Variants in DNAAF9 observed in about 807,000 individuals in gnomAD.
DNAAF9 encodes dynein axonemal assembly factor 9.
In DNAAF9, 90 loss-of-function variants were observed where a neutral mutation model predicts 167.0. The observed-to-expected ratio is 0.54, with a 90% CI of 0.45 to 0.64. DNAAF9 has a LOEUF of 0.64. Among genes scored for constraint, DNAAF9 ranks in the 30% least tolerant of loss-of-function variants. The pLI, the probability that DNAAF9 is intolerant of heterozygous loss-of-function variation, is 0.00. For missense variants in DNAAF9, 1,315 were observed against 1,442.2 expected (o/e 0.91, Z 1.43); for synonymous variants, 491 against 508.8 (o/e 0.96, Z 0.47).
At chr20:3,362,373 A>G (rs761467208) in intron 6 of DNAAF9, 1 of 532,796 alleles carries the variant, frequency 1.9e-6, no homozygotes, top group Non-Finnish European at 3.2e-6. Flanking sequence ...ATTGTTTACA[A>G]TGTTAAAACC....
intron 8 of DNAAF9, among the ~76,000 whole-genome samples, chr20:3,345,759 C>T (rs1426421838): frequency 6.6e-6 from 1 of 151,972 alleles, no homozygotes; most frequent in African/African-American, 2.4e-5. Context: ...CCATTATAAA[C>T]AAACCAACTG....
intron 26 of DNAAF9, among the ~76,000 whole-genome samples, chr20:3,288,634 G>A (rs755240859): frequency 6.6e-6 from 1 of 152,172 alleles, no homozygotes; most frequent in Non-Finnish European, 1.5e-5. Context: ...GACTCTCTAT[G>A]CAATTTCAGG....
At chr20:3,263,861 G>T (rs2068437765) in intron 31 of DNAAF9, among the ~76,000 whole-genome samples, 1 of 152,226 alleles carries the variant, frequency 6.6e-6, no homozygotes, top group African/African-American at 2.4e-5. Flanking sequence ...GCTAGGAGCT[G>T]CCATATAGAG....
At chr20:3,309,454 T>G (rs1050231800) in intron 20 of DNAAF9, among the ~76,000 whole-genome samples, 1 of 152,218 alleles carries the variant, frequency 6.6e-6, no homozygotes. Context: ...AAATATGTTA[T>G]CTATCTAAAA....
At chr20:3,289,518 G>GT (rs1044563531) in intron 26 of DNAAF9, among the ~76,000 whole-genome samples, 9 of 151,906 alleles carry the variant, frequency 5.9e-5, no homozygotes, top group African/African-American at 1.9e-4. Context: ...TTTATTTTCT[G>GT]TTTTTTTGTT....
chr20:3,287,320 T>A (rs981687963), intron 27 of DNAAF9, among the ~76,000 whole-genome samples: 1 of 152,100 alleles, frequency 6.6e-6, no homozygotes, highest in African/African-American at 2.4e-5. Flanking sequence ...CTTATTTAGA[T>A]GATGAATGAA....
At chr20:3,372,990 C>T (rs2083530636) in intron 6 of DNAAF9, among the ~76,000 whole-genome samples, 1 of 152,132 alleles carries the variant, frequency 6.6e-6, no homozygotes, top group South Asian at 2.1e-4. Context: ...CCTTCAAGCC[C>T]CTACTCTTCT....
intron 1 of DNAAF9, among the ~76,000 whole-genome samples, chr20:3,384,676 AT>A (rs1411258436): frequency 6.6e-6 from 1 of 151,618 alleles, no homozygotes; most frequent in Non-Finnish European, 1.5e-5. Context: ...ACCTGGGAAA[AT>A]TTTTTTTAAT....
rs1334280708 is a variant in DNAAF9 at position 3,278,957 on chromosome 20, G to A, written c.2613-8C>T. On this transcript the variant is annotated splice_region_variant and splice_polypyrimidine_tract_variant and intron_variant, in intron 28 of 36. Transcript: ENST00000252032. ...CATTTAGGAAAGAGAAATCTAGGGG[G>A]AAAAAAGGGGGAAATATTTAAAAAC... The A allele has an allele frequency of 3.8e-6, 6 of 1,578,454 alleles. No individual in the cohort carries two copies. The highest frequency in any genetic ancestry group is 3.4e-4 in the Middle Eastern group (2 of 5,956).
intron 29 of DNAAF9, 45 bp downstream of exon 29, chr20:3,278,867 T>C: frequency 1.5e-6 from 2 of 1,351,240 alleles, no homozygotes; most frequent in Middle Eastern, 1.8e-4. Context: ...TGAATTCTAC[T>C]GAACTTGCAA....
chr20:3,399,009 A>G (rs2083947393), intron 1 of DNAAF9, among the ~76,000 whole-genome samples: 1 of 152,228 alleles, frequency 6.6e-6, no homozygotes, highest in South Asian at 2.1e-4. Flanking sequence ...TGAAGGGACA[A>G]ACACACACAT....
intron 9 of DNAAF9, among the ~76,000 whole-genome samples, chr20:3,341,538 A>G (rs1170950396): frequency 6.6e-6 from 1 of 152,132 alleles, no homozygotes; most frequent in Non-Finnish European, 1.5e-5. Flanking sequence ...CGGCATCACA[A>G]TCCACCCAGG....
chr20:3,291,048 C>G (rs1003001390), intron 25 of DNAAF9, among the ~76,000 whole-genome samples: 6 of 152,074 alleles, frequency 3.9e-5, no homozygotes, highest in African/African-American at 1.2e-4. Context: ...CTTGGCCTCC[C>G]AAAGTGCTGG....
intron 21 of DNAAF9, among the ~76,000 whole-genome samples, chr20:3,304,111 C>G (rs1016425508): frequency 6.6e-6 from 1 of 152,186 alleles, no homozygotes. Flanking sequence ...CTGGAGGCCA[C>G]CCAAGAGGGG....
At chr20:3,296,337 G>A (rs946932661) in intron 23 of DNAAF9, 24 of 343,594 alleles carry the variant, frequency 7.0e-5, no homozygotes, top group East Asian at 3.7e-4. Flanking sequence ...GCTGTGAGAC[G>A]TGGCCCCTCA....
rs1199805573 is a variant in DNAAF9, at chr20:3,256,548, A to AAG, written c.3056-339_3056-338dup. Among the ~76,000 whole-genome samples the AAG allele has an allele frequency of 2.6e-5, 4 of 152,236 alleles. No individual in the cohort carries two copies. The East Asian group carries it at 7.7e-4, about 29-fold the overall frequency. ...TAAAAAGGAAAAGAAAGGATGGAGTAAGAGAGAGAGACAGAGAGGAACAAA... is the reference window on the plus strand; with the variant it reads ...TAAAAAGGAAAAGAAAGGATGGAGTAAGAGAGAGAGAGACAGAGAGGAACAAA... On this transcript the variant is annotated intron_variant, in intron 33 of 36. Coordinates refer to ENST00000252032, the MANE Select transcript of DNAAF9 (RefSeq NM_001009984.3).
intron 10 of DNAAF9, among the ~76,000 whole-genome samples, chr20:3,337,443 T>TG (rs1568613281): frequency 6.7e-6 from 1 of 150,354 alleles, no homozygotes; most frequent in African/African-American, 2.4e-5. Flanking sequence ...TTTTTTTGTT[T>TG]TTTTTTTTTT....
chr20:3,370,895 G>A (rs2083498291), intron 6 of DNAAF9, among the ~76,000 whole-genome samples: 1 of 152,160 alleles, frequency 6.6e-6, no homozygotes, highest in African/African-American at 2.4e-5. Context: ...TTCCTAGGGT[G>A]GAGGTGGCAT....
intron 36 of DNAAF9, among the ~76,000 whole-genome samples, chr20:3,253,492 C>A (rs2068227632): frequency 6.6e-6 from 1 of 152,132 alleles, no homozygotes; most frequent in African/African-American, 2.4e-5. Flanking sequence ...CCCAGAGTCA[C>A]ATTAGCAATC....
Sources: gnomAD v4.1 joint callset for allele counts (sites outside exome capture counted in the v4.1 genomes callset) on GRCh38, gnomAD v4.1.1 for gene constraint, MANE v1.5 for transcripts, NCBI Gene and HGNC (gene_info 2026-07-23, HGNC 2026-07-21) for gene names.